COG2: variants seen among roughly 807,000 people sequenced by gnomAD.
COG2 encodes conserved oligomeric Golgi complex subunit 2.
A neutral mutation model predicts 90.6 loss-of-function variants in COG2; 52 were observed. That is an observed-to-expected ratio of 0.57 (90% CI 0.46 to 0.72). The LOEUF is 0.72. Ranked by LOEUF, COG2 falls within the 30% of genes least tolerant of loss-of-function variation. COG2 has a pLI of 0.00. For missense variants in COG2, 829 were observed against 891.2 expected, an observed-to-expected ratio of 0.93 and a Z score of 0.89; for synonymous variants, 337 against 320.4, an observed-to-expected ratio of 1.05 and a Z score of -0.55.
chr1:230,652,703 A>G (rs931742906), intron 1 of COG2, among the ~76,000 whole-genome samples: 13 of 152,140 alleles, frequency 8.5e-5, no homozygotes, highest in African/African-American at 3.1e-4. Context: ...AGCATTTGGT[A>G]TTGTCAGTGT....
chr1:230,670,527 TTC>T (rs1446015761), intron 7 of COG2: 1 of 152,218 alleles, frequency 6.6e-6, no homozygotes, highest in Non-Finnish European at 1.5e-5. Context: ...GATATTTCAG[TTC>T]TCTCTGTTTA....
chr1:230,665,259 C>G (rs973741359), intron 5 of COG2, among the ~76,000 whole-genome samples: 9 of 152,156 alleles, frequency 5.9e-5, no homozygotes, highest in Non-Finnish European at 1.2e-4. Flanking sequence ...TTACTTCACT[C>G]TGTGTCTTGG....
At chr1:230,690,224 C>T in intron 16 of COG2, 71 bp downstream of exon 16, 1 of 1,371,836 alleles carries the variant, frequency 7.3e-7, no homozygotes, top group South Asian at 1.3e-5. Flanking sequence ...CCAAGGCAAT[C>T]AAGCACTGCG....
intron 9 of COG2, among the ~76,000 whole-genome samples, chr1:230,675,731 C>T (rs1291624750): frequency 6.6e-6 from 1 of 152,256 alleles, no homozygotes; most frequent in East Asian, 1.9e-4. Flanking sequence ...CAGTCTTCGA[C>T]TCCTGGACTC....
At chr1:230,649,774 G>C (rs1409705272) in intron 1 of COG2, among the ~76,000 whole-genome samples, 2 of 151,924 alleles carry the variant, frequency 1.3e-5, no homozygotes, top group East Asian at 3.9e-4. Flanking sequence ...TTATTATGTG[G>C]TTATAGTGTG....
intron 13 of COG2, among the ~76,000 whole-genome samples, 185 bp downstream of exon 13, chr1:230,687,317 C>T (rs888108011): frequency 2.0e-5 from 3 of 152,200 alleles, no homozygotes; most frequent in African/African-American, 7.2e-5. Flanking sequence ...CCTGACAGGT[C>T]ATGTCCATAT....
intron 1 of COG2, among the ~76,000 whole-genome samples, chr1:230,645,233 CAAAAA>C (rs57806034): frequency 1.1e-5 from 1 of 91,060 alleles, no homozygotes; most frequent in African/African-American, 4.2e-5. Context: ...GAGACCCTGT[CAAAAA>C]AAAAAAAAAA....
Position 230,690,010 on chromosome 1 carries a change from C to T in COG2, c.1795-4C>T. On this transcript the variant is annotated splice_region_variant and splice_polypyrimidine_tract_variant and intron_variant, in intron 15 of 17. Coordinates refer to ENST00000366669, the MANE Select transcript of COG2 (RefSeq NM_007357.3). ...ATCTTTATCTCCTACCATCATCATT[C>T]CAGGAGGTCCCAACCACAGCTTCCT... 1 of 1,584,720 alleles carries T rather than the reference C, an allele frequency of 6.3e-7. No individual in the cohort carries two copies. The highest frequency in any genetic ancestry group is 8.6e-7 in the Non-Finnish European group (1 of 1,167,942).
intron 8 of COG2, among the ~76,000 whole-genome samples, chr1:230,672,647 A>T (rs898228905): frequency 6.8e-6 from 1 of 147,100 alleles, no homozygotes; most frequent in African/African-American, 2.6e-5. Context: ...CCTGGGCAAC[A>T]TGACAAAACC....
intron 10 of COG2, chr1:230,681,909 C>T (rs1662758057): frequency 6.6e-6 from 1 of 152,224 alleles, no homozygotes. Flanking sequence ...ACAGGCAGAA[C>T]GTCTCTGTGA....
rs771631942 is a variant in COG2, at chr1:230,693,288, G to T, written c.2116-4G>T. ...AACATAATTCATTCTCATGGCCTTT[G>T]CAGATACAAAAGTTGGGACTACAAG... On this transcript the variant is annotated splice_polypyrimidine_tract_variant and splice_region_variant and intron_variant, in intron 17 of 17. Coordinates refer to ENST00000366669, the MANE Select transcript of COG2 (RefSeq NM_007357.3). 1 of 1,583,178 alleles carries T rather than the reference G, an allele frequency of 6.3e-7. No individual in the cohort carries two copies. Among genetic ancestry groups the T allele is most frequent in the Non-Finnish European group, 8.7e-7 (1 of 1,152,236 alleles).
rs1467970350 is a variant in COG2 at position 230,693,488 on chromosome 1, C to T, written c.*95C>T. Reference sequence around the variant, plus strand: ...AAAGTGACTCTGTTCTCTTAGCAACCGTCTGTAGCAAAGAAGTGCTTCCAG... The same window carrying T: ...AAAGTGACTCTGTTCTCTTAGCAACTGTCTGTAGCAAAGAAGTGCTTCCAG... On this transcript the variant is annotated 3_prime_UTR_variant, in exon 18 of 18. Coordinates refer to ENST00000366669, the MANE Select transcript of COG2 (RefSeq NM_007357.3). The T allele has an allele frequency of 2.8e-6, 2 of 721,994 alleles. No individual in the cohort carries two copies. The highest frequency in any genetic ancestry group is 2.7e-5 in the East Asian group (1 of 37,240). The allele number at this position is 721,994 out of a possible 1,614,324, so 44.7% of individuals were successfully genotyped here.
At chr1:230,683,753 C>A in intron 11 of COG2, 118 bp downstream of exon 11, 1 of 694,740 alleles carries the variant, frequency 1.4e-6, no homozygotes, top group Non-Finnish European at 2.5e-6. Context: ...TTTAATCATA[C>A]AGTAAGTTGG....
chr1:230,683,752 A>G, intron 11 of COG2, 117 bp downstream of exon 11: 1 of 698,218 alleles, frequency 1.4e-6, no homozygotes, highest in Non-Finnish European at 2.4e-6. Context: ...TTTTAATCAT[A>G]CAGTAAGTTG....
At chr1:230,642,720 G>T in intron 1 of COG2, 42 bp downstream of exon 1, 2 of 1,587,460 alleles carry the variant, frequency 1.3e-6, no homozygotes, top group Non-Finnish European at 1.7e-6. Flanking sequence ...CCATGAGGGT[G>T]CCTCTGCCCT....
In COG2 at chr1:230,642,769, C is replaced by T. The variant is rs556385700; in HGVS notation, c.72+91C>T. On this transcript the variant is annotated intron_variant, in intron 1 of 17. Coordinates refer to ENST00000366669, the MANE Select transcript of COG2 (RefSeq NM_007357.3). ...CGGTCTCTTCGGTCGGCTGCTCCTG[C>T]CTGCGCACGCTCAGTGTCAGGTCCT... 31 of 1,252,986 alleles carry T rather than the reference C, an allele frequency of 2.5e-5. 1 individual carries two copies. In the East Asian group the frequency reaches 6.1e-4, roughly 25 times the overall value. 77.6% of individuals were successfully genotyped at this position (1,252,986 alleles called of 1,614,324 possible). A position where few individuals can be genotyped will look rare whatever the true frequency, so the allele number is the denominator to read the frequency against.
chr1:230,655,370 CATTAGTTCTGTTT>C (rs1662024004), intron 1 of COG2, among the ~76,000 whole-genome samples: 1 of 152,114 alleles, frequency 6.6e-6, no homozygotes, highest in African/African-American at 2.4e-5. Flanking sequence ...TGGTTTTTAT[CATTAGTTCTGTTT>C]ATGTGATGGA....
chr1:230,675,022 A>G lies in COG2; in HGVS notation c.924A>G (p.Gly308=). The change falls in exon 9 of 18, where the codon GGA becomes GGG. Residue 308 remains glycine, a synonymous_variant. Transcript: ENST00000366669. ...ISSEKGNTVP[G]YDFLVNSVWP... Reference sequence around the variant, plus strand: ...GTGAAAAAGGCAATACTGTTCCTGGATATGACTTTTTGGTGAATTCTGTTT... The same window carrying G: ...GTGAAAAAGGCAATACTGTTCCTGGGTATGACTTTTTGGTGAATTCTGTTT... 6.2e-7 allele frequency: 1 copy of G among 1,611,944 alleles called. No homozygotes were observed. The highest frequency in any genetic ancestry group is 1.3e-5 in the African/African-American group (1 of 75,000).
At chr1:230,692,966 A>G (rs1198665223) in intron 17 of COG2, among the ~76,000 whole-genome samples, 1 of 151,546 alleles carries the variant, frequency 6.6e-6, no homozygotes, top group Non-Finnish European at 1.5e-5. Flanking sequence ...AAAATTCTCT[A>G]CTTAAAAGTT....
Sources: allele counts gnomAD v4.1 joint callset (sites outside exome capture counted in the v4.1 genomes callset), GRCh38; gene constraint gnomAD v4.1.1; transcripts MANE v1.5; gene names NCBI Gene and HGNC (gene_info 2026-07-23, HGNC 2026-07-21).